The following ALK variants were observed in gnomAD, a reference collection of about 807,000 sequenced individuals.
ALK encodes ALK tyrosine kinase receptor.
Under a neutral mutation model 163.1 loss-of-function variants are expected in ALK, and 74 were observed. The observed-to-expected ratio is 0.45, with a 90% CI of 0.38 to 0.55. ALK has a LOEUF of 0.55. Ranked by LOEUF, ALK falls within the 20% of genes least tolerant of loss-of-function variation. The pLI, the probability that ALK is intolerant of heterozygous loss-of-function variation, is 0.00. For synonymous variants in ALK, 960 were observed against 843.2 expected, an observed-to-expected ratio of 1.14 and a Z score of -2.40; for missense variants, 2,063 against 2,105.3, an observed-to-expected ratio of 0.98 and a Z score of 0.39.
At chr2:29,523,866 T>C (rs924329914) in intron 4 of ALK, among the ~76,000 whole-genome samples, 14,853 of 34,946 alleles carry the variant, frequency 0.43, 1,894 homozygotes, top group Non-Finnish European at 0.49. Context: ...AGGTTTTTTT[T>C]TTTTTTTTTT....
chr2:29,684,072 T>G (rs1678161291), intron 3 of ALK, among the ~76,000 whole-genome samples: 1 of 152,196 alleles, frequency 6.6e-6, no homozygotes, highest in Non-Finnish European at 1.5e-5. Context: ...CAAAAGAATT[T>G]TATTTTATTC....
At chr2:29,271,920 A>C (rs1665398867) in intron 11 of ALK, among the ~76,000 whole-genome samples, 2 of 152,212 alleles carry the variant, frequency 1.3e-5, no homozygotes, top group African/African-American at 2.4e-5. Context: ...GGGTTCTCCC[A>C]TTAGCTGAGC....
intron 3 of ALK, among the ~76,000 whole-genome samples, chr2:29,566,954 A>T (rs1674209678): frequency 6.6e-6 from 1 of 152,248 alleles, no homozygotes; most frequent in South Asian, 2.1e-4. Context: ...TCAAAACATT[A>T]AATGTAGAAA....
chr2:29,830,626 C>T (rs1300073832), intron 1 of ALK, among the ~76,000 whole-genome samples: 1 of 143,480 alleles, frequency 7.0e-6, no homozygotes, highest in African/African-American at 2.6e-5. Context: ...CCCAGTGACT[C>T]AGGAGACTGA....
intron 1 of ALK, among the ~76,000 whole-genome samples, chr2:29,774,736 G>A (rs956357828): frequency 2.6e-5 from 4 of 152,090 alleles, no homozygotes; most frequent in Non-Finnish European, 4.4e-5. Flanking sequence ...AGTAGAATGC[G>A]AAAGGCACCA....
chr2:29,821,908 CT>C (rs1665059039), intron 1 of ALK, among the ~76,000 whole-genome samples: 1 of 152,168 alleles, frequency 6.6e-6, no homozygotes, highest in Admixed American at 6.5e-5. Context: ...TGAAGGGCCA[CT>C]CTGAGGTGGC....
chr2:29,221,299 C>T (rs1021682106), intron 22 of ALK: 12 of 497,986 alleles, frequency 2.4e-5, no homozygotes, highest in Admixed American at 4.7e-5. Context: ...GATGGCCTCA[C>T]GAGTCTATCA....
In ALK at chr2:29,227,488, G is replaced by T; in HGVS notation, c.2914+86C>A. On this transcript the variant is annotated intron_variant, in intron 17 of 28. Transcript: ENST00000389048. The surrounding 1 kb of genome is among the most constrained non-coding windows in gnomAD (Gnocchi z 4.4). Reference sequence around the variant, plus strand: ...ACCCATAATTGTGCCTCTGTATCCTGGATACAGGTCAGAGACTCTGAGGTT... The same window carrying T: ...ACCCATAATTGTGCCTCTGTATCCTTGATACAGGTCAGAGACTCTGAGGTT... 1 of 1,187,098 alleles carries T rather than the reference G, an allele frequency of 8.4e-7. No homozygotes were observed. The highest frequency in any genetic ancestry group is 1.3e-6 in the Non-Finnish European group (1 of 790,512). The allele number at this position is 1,187,098 out of a possible 1,614,324, so 73.5% of individuals were successfully genotyped here. A position where few individuals can be genotyped will look rare whatever the true frequency, so the allele number is the denominator to read the frequency against.
chr2:29,196,481 AT>A (rs1173999373), intron 28 of ALK, among the ~76,000 whole-genome samples: 1 of 152,224 alleles, frequency 6.6e-6, no homozygotes, highest in Non-Finnish European at 1.5e-5. Flanking sequence ...CTACTAAAAC[AT>A]TAGGTCCCCA....
rs1669413751 is a variant in ALK at position 29,209,780 on chromosome 2, A to T, written c.3836+6T>A. ...GGCCCGGAGGGGTGAGGCAGTCTTT[A>T]CTCACCTGTAGATGTCTCGGGCCAT... is the stretch of plus-strand genomic sequence containing the variant. On this transcript the variant is annotated splice_donor_region_variant and intron_variant, in intron 25 of 28. Coordinates refer to ENST00000389048, the MANE Select transcript of ALK (RefSeq NM_004304.5). The T allele has an allele frequency of 6.2e-7, 1 of 1,610,376 alleles. No homozygotes were observed.
At chr2:29,747,011 A>C (rs1279073548) in intron 1 of ALK, among the ~76,000 whole-genome samples, 1 of 152,198 alleles carries the variant, frequency 6.6e-6, no homozygotes, top group Non-Finnish European at 1.5e-5. Context: ...GGAAGCCACC[A>C]AGTCCAGGTC....
chr2:29,545,785 A>G (rs1482453636), intron 3 of ALK, among the ~76,000 whole-genome samples: 1 of 152,216 alleles, frequency 6.6e-6, no homozygotes, highest in Non-Finnish European at 1.5e-5. Flanking sequence ...GAATCATTAG[A>G]AAAACCAAGT....
intron 3 of ALK, among the ~76,000 whole-genome samples, chr2:29,560,915 A>G (rs1199192096): frequency 6.6e-6 from 1 of 151,130 alleles, no homozygotes; most frequent in Non-Finnish European, 1.5e-5. Flanking sequence ...TTTTTTTTTT[A>G]CCTAAAACAA....
At chr2:29,349,295 A>C (rs1457326345) in intron 5 of ALK, among the ~76,000 whole-genome samples, 1 of 152,054 alleles carries the variant, frequency 6.6e-6, no homozygotes, top group African/African-American at 2.4e-5. Context: ...CCCTGCTCTG[A>C]CTGGTGTTCT....
intron 1 of ALK, among the ~76,000 whole-genome samples, chr2:29,913,839 T>C (rs557897018): frequency 6.6e-6 from 1 of 152,128 alleles, no homozygotes; most frequent in South Asian, 2.1e-4. Flanking sequence ...TACATTTCTC[T>C]CCATATTCTC....
chr2:29,221,224 G>A (rs1558622182), intron 22 of ALK: 1 of 538,112 alleles, frequency 1.9e-6, no homozygotes. Context: ...CAAAACAACT[G>A]CTTCCAAGAG....
At chr2:29,721,287 C>G (rs368577928) in intron 1 of ALK, among the ~76,000 whole-genome samples, 6 of 152,274 alleles carry the variant, frequency 3.9e-5, no homozygotes, top group Non-Finnish European at 7.4e-5. Context: ...TCATTTCACA[C>G]AATCTCAACT....
Position 29,420,455 on chromosome 2 carries a change from G to A in ALK, c.1155-36596C>T, listed in dbSNP as rs114559624. Among the ~76,000 whole-genome samples the A allele has an allele frequency of 3.2e-3, 487 of 151,564 alleles. 1 individual carries two copies. Among genetic ancestry groups the A allele is most frequent in the Non-Finnish European group, 5.2e-3 (357 of 68,030 alleles). On this transcript the variant is annotated intron_variant, in intron 4 of 28. Coordinates refer to ENST00000389048, the MANE Select transcript of ALK (RefSeq NM_004304.5). ...AGTTCATTACCATCTTTATTCAGCG[G>A]TTATTCACATTTGAGGAACGCATTC...
intron 5 of ALK, among the ~76,000 whole-genome samples, chr2:29,357,485 C>G (rs538786334): frequency 2.6e-5 from 4 of 152,204 alleles, no homozygotes; most frequent in Non-Finnish European, 4.4e-5. Context: ...TCTAGAAAGG[C>G]CAGTTATATT....
Sources: allele counts gnomAD v4.1 joint callset (sites outside exome capture counted in the v4.1 genomes callset), GRCh38; gene constraint gnomAD v4.1.1; non-coding constraint Gnocchi (gnomAD v3.1); transcripts MANE v1.5; gene names NCBI Gene and HGNC (gene_info 2026-07-23, HGNC 2026-07-21).